STAU2: variants seen among roughly 807,000 people sequenced by gnomAD.
STAU2 encodes the protein double-stranded RNA-binding protein Staufen homolog 2.
STAU2 carries 20 observed loss-of-function variants against 65.9 expected under a neutral mutation model. That is an observed-to-expected ratio of 0.30 (90% CI 0.21 to 0.44). STAU2 has a LOEUF of 0.44. Ranked by LOEUF, STAU2 falls within the 20% of genes least tolerant of loss-of-function variation. STAU2 has a pLI of 1.00. For missense variants in STAU2, 558 were observed against 683.9 expected (o/e 0.82, Z 2.05); for synonymous variants, 232 against 233.9 (o/e 0.99, Z 0.07).
In STAU2 at chr8:73,688,787, A is replaced by C. The variant is rs1819127959; in HGVS notation, c.141T>G (p.Gly47=). The change falls in exon 5 of 15, where the codon GGT becomes GGG. Residue 47 remains glycine, a synonymous_variant. Coordinates refer to ENST00000524300, the MANE Select transcript of STAU2 (RefSeq NM_001164380.2). ...TGCCTTCGGATTCCCATGTCTGCTC[A>C]CCAAGACTCAGCTGCACTGAGAACA... The part of the protein sequence containing the change: ...SKMFSVQLSL[G]EQTWESEGSS... 6.2e-7 allele frequency: 1 copy of C among 1,614,198 alleles called. No individual in the cohort carries two copies.
chr8:73,565,536 A>C (rs1170382783), intron 12 of STAU2, among the ~76,000 whole-genome samples: 2 of 152,200 alleles, frequency 1.3e-5, no homozygotes, highest in African/African-American at 2.4e-5. Flanking sequence ...ATGCAGTATA[A>C]AAGTGTTCAG....
At chr8:73,480,928 A>G (rs1040556698) in intron 13 of STAU2, among the ~76,000 whole-genome samples, 1 of 152,192 alleles carries the variant, frequency 6.6e-6, no homozygotes, top group Non-Finnish European at 1.5e-5. Context: ...AGTGTGCCAT[A>G]CTTGCTGCCA....
intron 13 of STAU2, among the ~76,000 whole-genome samples, chr8:73,506,388 GA>G (rs2128922258): frequency 6.6e-6 from 1 of 152,190 alleles, no homozygotes; most frequent in African/African-American, 2.4e-5. Context: ...CACTGCAATA[GA>G]GTGAATATTG....
intron 4 of STAU2, among the ~76,000 whole-genome samples, chr8:73,704,167 C>T (rs1820326738): frequency 6.6e-6 from 1 of 152,042 alleles, no homozygotes. Context: ...TGATGAAATC[C>T]CCTCATATAA....
At chr8:73,473,156 A>C (rs1366023702) in intron 13 of STAU2, among the ~76,000 whole-genome samples, 2 of 152,178 alleles carry the variant, frequency 1.3e-5, no homozygotes, top group Non-Finnish European at 2.9e-5. Flanking sequence ...CAGGCCGAGC[A>C]GTCAATGAGG....
At chr8:73,645,521 G>T (rs1039684550) in intron 6 of STAU2, among the ~76,000 whole-genome samples, 1 of 152,194 alleles carries the variant, frequency 6.6e-6, no homozygotes, top group Non-Finnish European at 1.5e-5. Flanking sequence ...TGTACATGAA[G>T]AATGAGGCAA....
intron 6 of STAU2, among the ~76,000 whole-genome samples, chr8:73,634,509 AGAGT>A (rs1420912439): frequency 6.6e-6 from 1 of 152,204 alleles, no homozygotes; most frequent in Non-Finnish European, 1.5e-5. Context: ...GCCTGGCAAC[AGAGT>A]GAGACACCGT....
chr8:73,607,832 G>A (rs201384371), intron 9 of STAU2, among the ~76,000 whole-genome samples: 100 of 151,564 alleles, frequency 6.6e-4, no homozygotes, highest in Middle Eastern at 6.9e-3. Flanking sequence ...AAAAGTCTGC[G>A]TATATCATAC....
At chr8:73,664,292 G>A (rs1207746832) in intron 6 of STAU2, among the ~76,000 whole-genome samples, 1 of 152,146 alleles carries the variant, frequency 6.6e-6, no homozygotes, top group East Asian at 1.9e-4. Flanking sequence ...CCAAAGTGCT[G>A]GGATTACAGG....
intron 12 of STAU2, among the ~76,000 whole-genome samples, chr8:73,573,981 G>C (rs1470034656): frequency 6.6e-6 from 1 of 152,044 alleles, no homozygotes; most frequent in Non-Finnish European, 1.5e-5. Flanking sequence ...TACAGAATAG[G>C]AGAAAATTTT....
intron 6 of STAU2, among the ~76,000 whole-genome samples, chr8:73,661,518 C>T (rs1013558159): frequency 1.3e-5 from 2 of 152,144 alleles, no homozygotes; most frequent in Non-Finnish European, 2.9e-5. Flanking sequence ...TGAATTTTGA[C>T]ATACACTCAT....
chr8:73,653,799 T>TC, intron 6 of STAU2: 1 of 351,368 alleles, frequency 2.8e-6, no homozygotes, highest in Non-Finnish European at 5.5e-6. Context: ...CCTTTAGGAG[T>TC]CTTCAAGAGA....
intron 5 of STAU2, among the ~76,000 whole-genome samples, chr8:73,686,070 A>C (rs1038735500): frequency 6.6e-6 from 1 of 151,978 alleles, no homozygotes; most frequent in East Asian, 1.9e-4. Flanking sequence ...AACCAAATGT[A>C]GTATGTTCTC....
intron 13 of STAU2, among the ~76,000 whole-genome samples, chr8:73,486,611 T>TTATATATATATATATA (rs138537650): frequency 2.1e-5 from 3 of 143,644 alleles, no homozygotes; most frequent in African/African-American, 7.7e-5. Context: ...AAAATATCCA[T>TTATATATATATATATA]TATATATATA....
At chr8:73,658,910 C>G (rs1209890004) in intron 6 of STAU2, among the ~76,000 whole-genome samples, 1 of 143,064 alleles carries the variant, frequency 7.0e-6, no homozygotes, top group African/African-American at 2.6e-5. Flanking sequence ...GAAACTCCGT[C>G]TCAAAAAACA....
chr8:73,521,926 T>C (rs1001679196), intron 13 of STAU2, among the ~76,000 whole-genome samples: 17 of 152,240 alleles, frequency 1.1e-4, no homozygotes, highest in African/African-American at 2.2e-4. Flanking sequence ...TAAATACTAA[T>C]ATACATATGT....
At chr8:73,691,741 ACAGAG>A (rs1159720407) in intron 4 of STAU2, among the ~76,000 whole-genome samples, 8 of 152,148 alleles carry the variant, frequency 5.3e-5, no homozygotes, top group African/African-American at 1.9e-4. Context: ...GGTTCCTAAC[ACAGAG>A]CTCCCAAAAC....
At chr8:73,687,304 A>ATTTAT (rs1491174622) in intron 5 of STAU2, among the ~76,000 whole-genome samples, 3 of 119,700 alleles carry the variant, frequency 2.5e-5, no homozygotes, top group Admixed American at 1.8e-4. Flanking sequence ...TTATATTTAT[A>ATTTAT]AATATAATTT....
At chr8:73,527,539 A>C in intron 13 of STAU2, 1 of 461,588 alleles carries the variant, frequency 2.2e-6, no homozygotes, top group Admixed American at 3.6e-5. Context: ...TCCCAACACA[A>C]ACAATTTTGA....
Sources: allele counts gnomAD v4.1 joint callset (sites outside exome capture counted in the v4.1 genomes callset), GRCh38; gene constraint gnomAD v4.1.1; transcripts MANE v1.5; gene names NCBI Gene and HGNC (gene_info 2026-07-23, HGNC 2026-07-21).